Variants in WDR70 observed in about 807,000 individuals in gnomAD.
The protein encoded by WDR70 is WD repeat domain 70.
WDR70 carries 53 observed loss-of-function variants against 88.6 expected under a neutral mutation model. That is an observed-to-expected ratio of 0.60 (90% CI 0.48 to 0.75). WDR70 has a LOEUF of 0.75. Among genes scored for constraint, WDR70 ranks in the 30% least tolerant of loss-of-function variants. WDR70 has a pLI of 0.00. For synonymous variants in WDR70, 280 were observed against 270.0 expected, an observed-to-expected ratio of 1.04 and a Z score of -0.36; for missense variants, 610 against 823.2, an observed-to-expected ratio of 0.74 and a Z score of 3.17.
chr5:37,383,225 G>A (rs1748488524), intron 3 of WDR70, among the ~76,000 whole-genome samples: 1 of 152,152 alleles, frequency 6.6e-6, no homozygotes, highest in Admixed American at 6.6e-5. Flanking sequence ...TGAAAAGAAA[G>A]CCATCTACAT....
intron 9 of WDR70, among the ~76,000 whole-genome samples, chr5:37,524,748 A>G (rs1198433124): frequency 3.9e-5 from 6 of 152,106 alleles, no homozygotes; most frequent in Non-Finnish European, 8.8e-5. Context: ...TCTCACGTGC[A>G]GAGACACACA....
At chr5:37,586,448 T>C (rs879180827) in intron 9 of WDR70, among the ~76,000 whole-genome samples, 2 of 152,134 alleles carry the variant, frequency 1.3e-5, no homozygotes, top group Admixed American at 6.6e-5. Flanking sequence ...CTGGGATACA[T>C]GTGCAGAATG....
At chr5:37,629,005 T>C (rs1744742171) in intron 10 of WDR70, among the ~76,000 whole-genome samples, 1 of 152,218 alleles carries the variant, frequency 6.6e-6, no homozygotes, top group African/African-American at 2.4e-5. Context: ...TGGGAGATTT[T>C]ATTTCTCCTT....
intron 5 of WDR70, among the ~76,000 whole-genome samples, chr5:37,431,784 A>T (rs1168047915): frequency 2.0e-5 from 3 of 152,216 alleles, no homozygotes; most frequent in Non-Finnish European, 4.4e-5. Context: ...CTGCTCTAGC[A>T]CATATAAGTG....
chr5:37,553,319 G>C (rs1022442848), intron 9 of WDR70, among the ~76,000 whole-genome samples: 1 of 152,148 alleles, frequency 6.6e-6, no homozygotes, highest in Non-Finnish European at 1.5e-5. Context: ...GTCTGGCTCC[G>C]TTATACCACA....
chr5:37,591,289 C>T (rs543010872), intron 9 of WDR70, among the ~76,000 whole-genome samples: 8 of 152,302 alleles, frequency 5.3e-5, no homozygotes, highest in Non-Finnish European at 1.2e-4. Context: ...GCCGAGATCA[C>T]ACCACTGCAC....
chr5:37,599,357 C>G (rs1405795890), intron 9 of WDR70, among the ~76,000 whole-genome samples: 1 of 152,142 alleles, frequency 6.6e-6, no homozygotes, highest in South Asian at 2.1e-4. Flanking sequence ...TTTCTACTTA[C>G]AGTTATTTAA....
At chr5:37,609,972 C>G (rs1214772167) in intron 10 of WDR70, among the ~76,000 whole-genome samples, 1 of 152,178 alleles carries the variant, frequency 6.6e-6, no homozygotes, top group Admixed American at 6.5e-5. Context: ...CTTTCTGCAT[C>G]CTTCTTCTTA....
In WDR70 at chr5:37,447,682, C is replaced by T. The variant is rs147902494; in HGVS notation, c.686+4310C>T. Among the ~76,000 whole-genome samples, 1,117 of 152,250 alleles carry T rather than the reference C, an allele frequency of 7.3e-3. 16 individuals are homozygous for T. The highest frequency in any genetic ancestry group is 0.025 in the African/African-American group (1,052 of 41,530). ...AACCATCATTCTCAACAAACTATCC[C>T]AAGGACAGAAAACCAAACACCGCAT... On this transcript the variant is annotated intron_variant, in intron 7 of 17. Transcript: ENST00000265107.
At chr5:37,712,981 C>T (rs1044973403) in intron 13 of WDR70, among the ~76,000 whole-genome samples, 9 of 152,130 alleles carry the variant, frequency 5.9e-5, no homozygotes, top group African/African-American at 1.9e-4. Context: ...AGTGAGCCAT[C>T]GCGCCTGGCC....
chr5:37,409,436 A>G (rs1001143786), intron 5 of WDR70, among the ~76,000 whole-genome samples: 3 of 152,114 alleles, frequency 2.0e-5, no homozygotes, highest in Non-Finnish European at 4.4e-5. Context: ...AAGCACTCAT[A>G]AGGGAAATGA....
chr5:37,506,642 A>T (rs1740569973), intron 8 of WDR70: 4 of 779,260 alleles, frequency 5.1e-6, no homozygotes, highest in Non-Finnish European at 9.5e-6. Context: ...CTGTCTGAAG[A>T]TCAATAAATG....
chr5:37,525,131 T>A (rs473978), intron 9 of WDR70, among the ~76,000 whole-genome samples: 39,759 of 152,046 alleles, frequency 0.26, 5,805 homozygotes, highest in East Asian at 0.48. Flanking sequence ...AAGTGGACCT[T>A]ATAGACATCT....
At chr5:37,622,642 C>CA (rs1333641765) in intron 10 of WDR70, among the ~76,000 whole-genome samples, 2 of 150,720 alleles carry the variant, frequency 1.3e-5, no homozygotes, top group East Asian at 2.0e-4. Flanking sequence ...ATAGCAAGGA[C>CA]AAAAAACCAA....
intron 6 of WDR70, among the ~76,000 whole-genome samples, chr5:37,438,686 T>C (rs1750557531): frequency 1.3e-5 from 2 of 152,110 alleles, no homozygotes; most frequent in African/African-American, 4.8e-5. Flanking sequence ...GAGGGAAATA[T>C]CAATCAATAG....
At chr5:37,720,938 TG>T (rs1561090224) in intron 13 of WDR70, among the ~76,000 whole-genome samples, 176 bp from the exon 14 acceptor site, 1 of 152,130 alleles carries the variant, frequency 6.6e-6, no homozygotes, top group Non-Finnish European at 1.5e-5. Flanking sequence ...TAATAAGTGA[TG>T]GAATGGAATT....
rs112113295 is a variant in WDR70, at chr5:37,651,737, T to C, written c.1093-45918T>C. On this transcript the variant is annotated intron_variant, in intron 10 of 17. Coordinates refer to ENST00000265107, the MANE Select transcript of WDR70 (RefSeq NM_018034.4). ...TGATGAGGTTTTTTTCATATGTTTGTTGGCCACATGAATGTCTTCTTTTGA... is the reference window on the plus strand; with the variant it reads ...TGATGAGGTTTTTTTCATATGTTTGCTGGCCACATGAATGTCTTCTTTTGA... Among the ~76,000 whole-genome samples the C allele has an allele frequency of 4.9e-4, 75 of 152,378 alleles. 2 individuals carry two copies. The South Asian group carries it at 9.3e-3, about 19-fold the overall frequency.
intron 17 of WDR70, among the ~76,000 whole-genome samples, chr5:37,733,636 C>G (rs1748218030): frequency 6.6e-6 from 1 of 151,910 alleles, no homozygotes; most frequent in African/African-American, 2.4e-5. Flanking sequence ...GCTGCCTGTT[C>G]TCATTATTCT....
At chr5:37,416,149 C>G (rs1372683785) in intron 5 of WDR70, among the ~76,000 whole-genome samples, 2 of 152,168 alleles carry the variant, frequency 1.3e-5, no homozygotes, top group African/African-American at 4.8e-5. Context: ...CTTTGGGAGG[C>G]CAAGGCAGGC....
Sources: allele counts gnomAD v4.1 joint callset (sites outside exome capture counted in the v4.1 genomes callset), GRCh38; gene constraint gnomAD v4.1.1; transcripts MANE v1.5; gene names NCBI Gene and HGNC (gene_info 2026-07-23, HGNC 2026-07-21).